The following MAP3K14 variants were observed in gnomAD, a reference collection of about 807,000 sequenced individuals.
MAP3K14 encodes mitogen-activated protein kinase kinase kinase 14.
MAP3K14 carries 16 observed loss-of-function variants against 99.2 expected under a neutral mutation model. The observed-to-expected ratio is 0.16, with a 90% CI of 0.11 to 0.24. The LOEUF (loss-of-function observed/expected upper bound fraction) is 0.24. Ranked by LOEUF, MAP3K14 falls within the 10% of genes least tolerant of loss-of-function variation. The probability of loss-of-function intolerance (pLI) is 1.00; values close to 1 mark genes in which losing one functional copy is unlikely to be tolerated. For synonymous variants in MAP3K14, 462 were observed against 492.4 expected (o/e 0.94, Z 0.82); for missense variants, 784 against 1,208.7 (o/e 0.65, Z 5.21).
chr17:45,290,569 A>G lies in MAP3K14; in HGVS notation c.177T>C (p.Asn59=). The G allele has an allele frequency of 6.2e-7, 1 of 1,613,776 alleles. No homozygotes were observed. ...PVFCGKWEIL[N]DVITKGTAKE... Reference sequence around the variant, plus strand: ...TGGCTGTGCCCTTGGTAATCACGTCATTCAGGATCTCCCACTTTCCGCAGA... The same window carrying G: ...TGGCTGTGCCCTTGGTAATCACGTCGTTCAGGATCTCCCACTTTCCGCAGA... Residue 59 remains asparagine, a synonymous_variant, in exon 2 of 16, where the codon AAT becomes AAC. Coordinates refer to ENST00000344686, the MANE Select transcript of MAP3K14 (RefSeq NM_003954.5).
chr17:45,315,278 A>G lies in MAP3K14; in HGVS notation c.-21+1682T>C, dbSNP rs116251054. Among the ~76,000 whole-genome samples, 1,119 of 152,140 alleles carry G rather than the reference A, an allele frequency of 7.4e-3. 14 individuals carry two copies. The highest frequency in any genetic ancestry group is 0.025 in the African/African-American group (1,054 of 41,482). ...CACAAACTCTTAACAGACAATACCA[A>G]TGACAAAAAACCCCCTTCAGAACTG... On this transcript the variant is annotated intron_variant, in intron 1 of 15. Coordinates refer to ENST00000344686, the MANE Select transcript of MAP3K14 (RefSeq NM_003954.5).
At chr17:45,302,913 C>T (rs35122274) in intron 1 of MAP3K14, among the ~76,000 whole-genome samples, 2 of 152,246 alleles carry the variant, frequency 1.3e-5, no homozygotes, top group South Asian at 2.1e-4. Context: ...ATTTCATTCC[C>T]TCCCTTGTTC....
chr17:45,281,343 C>CTTTT (rs1205003546), intron 6 of MAP3K14, among the ~76,000 whole-genome samples: 1 of 137,224 alleles, frequency 7.3e-6, no homozygotes, highest in Non-Finnish European at 1.6e-5. Flanking sequence ...CCTGATCTTT[C>CTTTT]TTTTTTTTTT....
chr17:45,290,207 T>C (rs2044299404), intron 2 of MAP3K14, among the ~76,000 whole-genome samples: 2 of 152,186 alleles, frequency 1.3e-5, no homozygotes, highest in African/African-American at 4.8e-5. Flanking sequence ...AGAAGGTTGA[T>C]GGCCTGCTTG....
chr17:45,302,319 T>C (rs1198837215), intron 1 of MAP3K14, among the ~76,000 whole-genome samples: 3 of 152,186 alleles, frequency 2.0e-5, no homozygotes, highest in Non-Finnish European at 4.4e-5. Context: ...ATTGTTATTA[T>C]TTTTATGAGA....
At position 45,267,372 on chromosome 17, in the gene MAP3K14, C is replaced by T. The variant is rs1390995612; in HGVS notation, c.2326+34G>A. On this transcript the variant is annotated intron_variant, in intron 12 of 15. Coordinates refer to ENST00000344686, the MANE Select transcript of MAP3K14 (RefSeq NM_003954.5). The surrounding 1 kb of genome is among the most constrained non-coding windows in gnomAD (Gnocchi z 5.1). The stretch of plus-strand genomic sequence containing the variant: ...CTCCGCGGGTGGCCCAGGGCCAGTG[C>T]TCAGGGCCCCACTGCAGCCACGGCT... 6.4e-7 allele frequency: 1 copy of T among 1,550,474 alleles called. No homozygotes were observed.
rs570284301 is a variant in MAP3K14, at chr17:45,286,282, G to A, written c.1152+149C>T. 1.3e-5 allele frequency: 14 copies of A among 1,054,748 alleles called. 1 individual carries two copies. In the African/African-American group the frequency reaches 1.4e-4, roughly 11 times the overall value. The allele number at this position is 1,054,748 out of a possible 1,614,324, so 65.3% of individuals were successfully genotyped here. ...AAAGGCTGTGAGAAGTGAGATTGGC[G>A]GAATAAGAGATGATACTTTTCATCC... On this transcript the variant is annotated intron_variant, in intron 5 of 15. Transcript: ENST00000344686. The surrounding 1 kb of genome is among the most constrained non-coding windows in gnomAD (Gnocchi z 4.1).
At chr17:45,270,282 T>C (rs1459506072) in intron 11 of MAP3K14, 131 bp downstream of exon 11, 3 of 1,154,260 alleles carry the variant, frequency 2.6e-6, no homozygotes, top group East Asian at 3.0e-5. Flanking sequence ...CTGAGGCTGC[T>C]GCACCCCCAT....
intron 1 of MAP3K14, chr17:45,290,985 T>C (rs2044305879): frequency 3.9e-6 from 2 of 509,836 alleles, no homozygotes; most frequent in Non-Finnish European, 7.1e-6. Context: ...GTCCTCCCAG[T>C]ACCACAACAT....
At chr17:45,265,098 G>T (rs1326554917) in intron 15 of MAP3K14, 65 bp downstream of exon 15, 1 of 1,310,806 alleles carries the variant, frequency 7.6e-7, no homozygotes, top group Non-Finnish European at 1.1e-6. Context: ...TTTCCTCCTG[G>T]AGGGTGGGGC....
rs1472098648 is a variant in MAP3K14 at position 45,267,125 on chromosome 17, G to A, written c.2400C>T (p.Ile800=). ...TGTCATCCGACAGGGAGAGGCTGTC[G>A]ATGCTGAGGCACGAGAGAATTTGCT... ...EQEQILSCLS[I]DSLSLSDDSE... The change falls in exon 13 of 16, where the codon ATC becomes ATT. Residue 800 remains isoleucine, a synonymous_variant. Transcript: ENST00000344686. The surrounding 1 kb of genome is among the most constrained non-coding windows in gnomAD (Gnocchi z 5.1). The A allele has an allele frequency of 5.6e-6, 9 of 1,597,780 alleles. No homozygotes were observed. Among genetic ancestry groups the A allele is most frequent in the Admixed American group, 5.2e-5 (3 of 57,750 alleles).
chr17:45,314,421 C>G (rs2044512514), intron 1 of MAP3K14, among the ~76,000 whole-genome samples: 1 of 152,150 alleles, frequency 6.6e-6, no homozygotes, highest in Admixed American at 6.5e-5. Flanking sequence ...CCTTAGAGCT[C>G]CCTAAATCCA....
At chr17:45,293,292 T>C (rs1025628603) in intron 1 of MAP3K14, among the ~76,000 whole-genome samples, 2 of 152,204 alleles carry the variant, frequency 1.3e-5, no homozygotes, top group African/African-American at 4.8e-5. Context: ...GGGGCTCTGA[T>C]AGCCTGTCTC....
At chr17:45,282,064 G>A (rs2044227619) in intron 6 of MAP3K14, 1 of 152,152 alleles carries the variant, frequency 6.6e-6, no homozygotes, top group African/African-American at 2.4e-5. Flanking sequence ...CCCTTTGACA[G>A]ATATCTTTTT....
chr17:45,306,690 C>T (rs2044433138), intron 1 of MAP3K14, among the ~76,000 whole-genome samples: 1 of 152,212 alleles, frequency 6.6e-6, no homozygotes, highest in African/African-American at 2.4e-5. Context: ...TCATAAATTT[C>T]ATCAGTACTT....
intron 1 of MAP3K14, among the ~76,000 whole-genome samples, chr17:45,308,856 C>T (rs909096765): frequency 2.5e-4 from 38 of 151,968 alleles, no homozygotes; most frequent in African/African-American, 8.9e-4. Flanking sequence ...TTAGTAGAGA[C>T]GGGTCTCACC....
At chr17:45,278,312 C>A (rs1048368454) in intron 6 of MAP3K14, among the ~76,000 whole-genome samples, 1 of 152,154 alleles carries the variant, frequency 6.6e-6, no homozygotes, top group Non-Finnish European at 1.5e-5. Flanking sequence ...GAAAGCAGCC[C>A]AGCCTTCCAG....
chr17:45,311,047 G>A (rs17686001), intron 1 of MAP3K14, among the ~76,000 whole-genome samples: 20,198 of 152,074 alleles, frequency 0.13, 1,906 homozygotes, highest in Non-Finnish European at 0.21. Context: ...TAGTTCCTTC[G>A]TTCCCTGGCA....
At chr17:45,307,720 C>T (rs114305838) in intron 1 of MAP3K14, among the ~76,000 whole-genome samples, 5,379 of 152,292 alleles carry the variant, frequency 0.035, 246 homozygotes, top group African/African-American at 0.1. Context: ...TGAAGAAAGA[C>T]AGGCTCAGGC....
Sources: allele counts gnomAD v4.1 joint callset (sites outside exome capture counted in the v4.1 genomes callset), GRCh38; gene constraint gnomAD v4.1.1; non-coding constraint Gnocchi (gnomAD v3.1); transcripts MANE v1.5; gene names NCBI Gene and HGNC (gene_info 2026-07-23, HGNC 2026-07-21).